SGPP1: variants seen among roughly 807,000 people sequenced by gnomAD.
SGPP1 encodes sphingosine-1-phosphate phosphatase 1.
SGPP1 carries 21 observed loss-of-function variants against 33.0 expected under a neutral mutation model. The ratio of observed to expected loss-of-function variants is 0.64; its 90% confidence interval spans 0.45 to 0.92. The LOEUF is 0.92. Ranked by LOEUF, SGPP1 falls within the 40% of genes least tolerant of loss-of-function variation. SGPP1 has a pLI of 0.00. For missense variants in SGPP1, 543 were observed against 589.4 expected, an observed-to-expected ratio of 0.92 and a Z score of 0.81; for synonymous variants, 239 against 241.2, an observed-to-expected ratio of 0.99 and a Z score of 0.08.
At chr14:63,726,874 A>G (rs1885891719) in intron 1 of SGPP1, among the ~76,000 whole-genome samples, 1 of 152,216 alleles carries the variant, frequency 6.6e-6, no homozygotes, top group Non-Finnish European at 1.5e-5. Context: ...AGAAGGCACC[A>G]TATATTACGG....
chr14:63,723,150 ATTGT>A (rs1885810951), intron 1 of SGPP1, among the ~76,000 whole-genome samples: 2 of 152,264 alleles, frequency 1.3e-5, no homozygotes, highest in Admixed American at 6.5e-5. Flanking sequence ...GGAACGTCAT[ATTGT>A]TTATCTTATT....
At chr14:63,726,076 T>C (rs1229526239) in intron 1 of SGPP1, among the ~76,000 whole-genome samples, 1 of 152,218 alleles carries the variant, frequency 6.6e-6, no homozygotes, top group Non-Finnish European at 1.5e-5. Flanking sequence ...CCATTCTTAC[T>C]ATGCACAATG....
intron 1 of SGPP1, among the ~76,000 whole-genome samples, chr14:63,723,489 G>A (rs1595074409): frequency 6.6e-6 from 1 of 152,132 alleles, no homozygotes; most frequent in Non-Finnish European, 1.5e-5. Flanking sequence ...GGGAGGCTGA[G>A]GGGAGTGGAT....
intron 1 of SGPP1, among the ~76,000 whole-genome samples, chr14:63,700,819 T>G (rs865829613): frequency 1.3e-5 from 2 of 152,292 alleles, no homozygotes; most frequent in Middle Eastern, 3.4e-3. Flanking sequence ...AAGTGACTTA[T>G]GCCACTTTCA....
At chr14:63,697,074 C>T (rs1595063334) in intron 2 of SGPP1, among the ~76,000 whole-genome samples, 2 of 152,218 alleles carry the variant, frequency 1.3e-5, no homozygotes, top group South Asian at 4.2e-4. Context: ...CTGTTGGGTA[C>T]TATGTTCACC....
intron 1 of SGPP1, among the ~76,000 whole-genome samples, chr14:63,705,383 G>A (rs1425650037): frequency 6.6e-6 from 1 of 150,810 alleles, no homozygotes; most frequent in African/African-American, 2.4e-5. Context: ...ATGAAAATAT[G>A]CTCGCCTGGC....
chr14:63,704,568 G>A (rs1466878396), intron 1 of SGPP1, among the ~76,000 whole-genome samples: 1 of 151,526 alleles, frequency 6.6e-6, no homozygotes, highest in Non-Finnish European at 1.5e-5. Flanking sequence ...AAATCATAGG[G>A]GCCGGGTGTA....
chr14:63,695,642 T>C (rs1885172567), intron 2 of SGPP1, among the ~76,000 whole-genome samples: 1 of 152,242 alleles, frequency 6.6e-6, no homozygotes, highest in African/African-American at 2.4e-5. Flanking sequence ...CTGGACATAG[T>C]GGCTCACATC....
At chr14:63,703,800 G>GTTTTTT (rs57439548) in intron 1 of SGPP1, among the ~76,000 whole-genome samples, 2 of 98,922 alleles carry the variant, frequency 2.0e-5, no homozygotes, top group Non-Finnish European at 3.9e-5. Context: ...CCCTATTTAA[G>GTTTTTT]TTTTTTTTTT....
In SGPP1 at chr14:63,685,255, T is replaced by G. The variant is rs903272754; in HGVS notation, c.*850A>C. On this transcript the variant is annotated 3_prime_UTR_variant, in exon 3 of 3. Coordinates refer to ENST00000247225, the MANE Select transcript of SGPP1 (RefSeq NM_030791.4). Reference sequence around the variant, plus strand: ...TTTATGCCTGTCACCCTGACATACATTTTTTAAAATATTTGCTTGATTATA... The same window carrying G: ...TTTATGCCTGTCACCCTGACATACAGTTTTTAAAATATTTGCTTGATTATA... 1.3e-5 allele frequency: 2 copies of G among 152,500 alleles called. No individual in the cohort carries two copies. The highest frequency in any genetic ancestry group is 2.9e-5 in the Non-Finnish European group (2 of 67,922). The allele number at this position is 152,500 out of a possible 1,614,324, so 9.4% of individuals were successfully genotyped here. A position where few individuals can be genotyped will look rare whatever the true frequency, so the allele number is the denominator to read the frequency against.
intron 1 of SGPP1, among the ~76,000 whole-genome samples, chr14:63,714,582 G>A (rs1251043769): frequency 6.6e-6 from 1 of 151,844 alleles, no homozygotes; most frequent in African/African-American, 2.4e-5. Flanking sequence ...CACCACACCT[G>A]GCTAATGTTT....
At chr14:63,691,373 G>A (rs1288642526) in intron 2 of SGPP1, among the ~76,000 whole-genome samples, 15 of 152,104 alleles carry the variant, frequency 9.9e-5, no homozygotes, top group Non-Finnish European at 2.9e-5. Flanking sequence ...ATCCCAAAAT[G>A]AATTTATAGA....
Position 63,686,123 on chromosome 14 carries a change from G to C in SGPP1, c.1308C>G (p.Phe436Leu). The C allele has an allele frequency of 6.3e-7, 1 of 1,595,584 alleles. No homozygotes were observed. Among genetic ancestry groups the C allele is most frequent in the Non-Finnish European group, 8.5e-7 (1 of 1,169,780 alleles). ...SITFFVPYIF[F>L]FIGIS ...TTCTCCATCAAGAGATACCAATAAA[G>C]AAAAATATGTAAGGAACAAAAAATG... The change falls in exon 3 of 3, where the codon TTC (phenylalanine) becomes TTG (leucine). Residue 436 changes from phenylalanine to leucine, a missense_variant. Physicochemically the swap from Phe to Leu is conservative, Grantham distance 22. Transcript: ENST00000247225.
chr14:63,706,410 A>G (rs1403701108), intron 1 of SGPP1, among the ~76,000 whole-genome samples: 1 of 152,224 alleles, frequency 6.6e-6, no homozygotes, highest in East Asian at 1.9e-4. Flanking sequence ...CTTCAAAATT[A>G]TTAATTTTAT....
At position 63,686,010 on chromosome 14, in the gene SGPP1, G is replaced by A; in HGVS notation, c.*95C>T. The A allele has an allele frequency of 1.5e-6, 1 of 685,810 alleles. No individual in the cohort carries two copies. The highest frequency in any genetic ancestry group is 2.3e-6 in the Non-Finnish European group (1 of 430,424). 42.5% of individuals were successfully genotyped at this position (685,810 alleles called of 1,614,324 possible). ...AAATAATTATTTAAGTTAAATTCCT[G>A]CAAAAGCCTAATTCTGACCTGGCTT... On this transcript the variant is annotated 3_prime_UTR_variant, in exon 3 of 3. Coordinates refer to ENST00000247225, the MANE Select transcript of SGPP1 (RefSeq NM_030791.4).
intron 1 of SGPP1, among the ~76,000 whole-genome samples, chr14:63,716,835 A>G (rs1885639024): frequency 6.6e-6 from 1 of 151,936 alleles, no homozygotes; most frequent in Non-Finnish European, 1.5e-5. Context: ...CTGGGATTAC[A>G]GGCGCCCACC....
At chr14:63,690,903 C>T (rs760525084) in intron 2 of SGPP1, among the ~76,000 whole-genome samples, 9 of 151,966 alleles carry the variant, frequency 5.9e-5, no homozygotes, top group Non-Finnish European at 1.3e-4. Flanking sequence ...TTAGTACAGA[C>T]AGGGTTTCAC....
chr14:63,707,295 C>T (rs1431136677), intron 1 of SGPP1, among the ~76,000 whole-genome samples: 1 of 151,898 alleles, frequency 6.6e-6, no homozygotes, highest in Non-Finnish European at 1.5e-5. Flanking sequence ...TATTTGCTAC[C>T]ATACTAGTCG....
intron 1 of SGPP1, among the ~76,000 whole-genome samples, 158 bp from the exon 2 acceptor site, chr14:63,698,816 C>T (rs1393340005): frequency 6.6e-6 from 1 of 152,196 alleles, no homozygotes; most frequent in African/African-American, 2.4e-5. Context: ...CTGAGTATGG[C>T]ACATGGCAGA....
Sources: allele counts gnomAD v4.1 joint callset (sites outside exome capture counted in the v4.1 genomes callset), GRCh38; gene constraint gnomAD v4.1.1; transcripts MANE v1.5; gene names NCBI Gene and HGNC (gene_info 2026-07-23, HGNC 2026-07-21).